NKAIN2: variants seen among roughly 807,000 people sequenced by gnomAD.
The protein encoded by NKAIN2 is sodium/potassium-transporting ATPase subunit beta-1-interacting protein 2.
In NKAIN2, 14 loss-of-function variants were observed where a neutral mutation model predicts 32.6. That is an observed-to-expected ratio of 0.43 (90% CI 0.28 to 0.67). NKAIN2 has a LOEUF of 0.67. Among genes scored for constraint, NKAIN2 ranks in the 30% least tolerant of loss-of-function variants. The pLI is 0.17. For missense variants in NKAIN2, 198 were observed against 258.3 expected, an observed-to-expected ratio of 0.77 and a Z score of 1.60; for synonymous variants, 80 against 87.2, an observed-to-expected ratio of 0.92 and a Z score of 0.46.
intron 1 of NKAIN2, among the ~76,000 whole-genome samples, chr6:123,841,187 A>G (rs967927039): frequency 2.0e-5 from 3 of 152,168 alleles, no homozygotes; most frequent in Non-Finnish European, 2.9e-5. Context: ...AAGCTTAAAC[A>G]TCTTCTTTTT....
chr6:123,876,528 G>C (rs1181721308), intron 1 of NKAIN2, among the ~76,000 whole-genome samples: 1 of 152,122 alleles, frequency 6.6e-6, no homozygotes, highest in Non-Finnish European at 1.5e-5. Flanking sequence ...ACAATTTGCT[G>C]TCTGCAAGCT....
intron 1 of NKAIN2, among the ~76,000 whole-genome samples, chr6:124,082,087 C>T (rs896020768): frequency 1.3e-5 from 2 of 151,830 alleles, no homozygotes; most frequent in African/African-American, 4.8e-5. Context: ...GGTAAATAAC[C>T]CAAGCCTAGA....
intron 3 of NKAIN2, among the ~76,000 whole-genome samples, chr6:124,417,768 C>T (rs972142266): frequency 3.9e-5 from 6 of 152,136 alleles, no homozygotes; most frequent in Non-Finnish European, 8.8e-5. Flanking sequence ...TTTCTTCAGC[C>T]TGGAGTTGTC....
intron 4 of NKAIN2, among the ~76,000 whole-genome samples, chr6:124,722,264 T>C (rs1030878469): frequency 4.6e-5 from 7 of 152,264 alleles, no homozygotes; most frequent in African/African-American, 1.4e-4. Flanking sequence ...TTGTGAATAA[T>C]GCTTCTATGA....
chr6:124,232,240 A>G (rs952043764), intron 1 of NKAIN2, among the ~76,000 whole-genome samples: 17 of 152,192 alleles, frequency 1.1e-4, no homozygotes, highest in African/African-American at 3.9e-4. Context: ...CACTGGGCAA[A>G]TAGTTAAAGG....
intron 1 of NKAIN2, among the ~76,000 whole-genome samples, chr6:123,887,796 A>G (rs1235397320): frequency 2.0e-5 from 3 of 152,140 alleles, no homozygotes; most frequent in Non-Finnish European, 2.9e-5. Context: ...CCTATTATCT[A>G]TCATTTCCTT....
At chr6:124,434,041 C>A (rs1016076486) in intron 3 of NKAIN2, among the ~76,000 whole-genome samples, 4 of 152,150 alleles carry the variant, frequency 2.6e-5, no homozygotes, top group African/African-American at 9.7e-5. Context: ...CCATCTGATG[C>A]AGTGGCAGTG....
At chr6:123,918,505 A>T (rs146602180) in intron 1 of NKAIN2, among the ~76,000 whole-genome samples, 29 of 152,212 alleles carry the variant, frequency 1.9e-4, no homozygotes, top group African/African-American at 6.3e-4. Context: ...CTTTTCATCA[A>T]TTGCAACCAG....
At chr6:124,524,018 T>A (rs1779219437) in intron 3 of NKAIN2, among the ~76,000 whole-genome samples, 1 of 152,190 alleles carries the variant, frequency 6.6e-6, no homozygotes, top group African/African-American at 2.4e-5. Flanking sequence ...GATTAGAATG[T>A]CCTGGAAATG....
chr6:124,763,188 A>T (rs534341069), intron 4 of NKAIN2, among the ~76,000 whole-genome samples: 1 of 152,230 alleles, frequency 6.6e-6, no homozygotes, highest in Non-Finnish European at 1.5e-5. Context: ...ACTTTTAGTT[A>T]GACAGAAGGA....
chr6:123,992,821 G>A (rs2114692767), intron 1 of NKAIN2, among the ~76,000 whole-genome samples: 1 of 152,252 alleles, frequency 6.6e-6, no homozygotes, highest in East Asian at 1.9e-4. Flanking sequence ...TACTTTCACT[G>A]TCCCTTGTTT....
intron 4 of NKAIN2, among the ~76,000 whole-genome samples, chr6:124,690,755 C>T (rs1774216415): frequency 6.6e-6 from 1 of 152,182 alleles, no homozygotes; most frequent in Admixed American, 6.5e-5. Flanking sequence ...GCTGTCTCAT[C>T]ACATCTCACC....
At chr6:123,851,152 A>G (rs1405912368) in intron 1 of NKAIN2, among the ~76,000 whole-genome samples, 1 of 151,982 alleles carries the variant, frequency 6.6e-6, no homozygotes, top group Non-Finnish European at 1.5e-5. Context: ...GCTGCAGTGA[A>G]CATGGAAGTG....
At chr6:124,239,551 G>C (rs1792961677) in intron 1 of NKAIN2, among the ~76,000 whole-genome samples, 2 of 152,106 alleles carry the variant, frequency 1.3e-5, no homozygotes, top group Admixed American at 1.3e-4. Context: ...CAGTCTCTCA[G>C]ACCACAGTGC....
At chr6:123,854,864 G>T (rs1032155324) in intron 1 of NKAIN2, among the ~76,000 whole-genome samples, 2 of 152,180 alleles carry the variant, frequency 1.3e-5, no homozygotes, top group African/African-American at 4.8e-5. Flanking sequence ...CACTGAGGTG[G>T]ATCTAAAGGA....
rs149633139 is a variant in NKAIN2, at chr6:124,343,074, A to G, written c.193-12193A>G. ...TCAATTCCCATCTATGAGTGAGAACATGCGGTCTTTGGTTTTTTGTCCTTG... is the reference window on the plus strand; with the variant it reads ...TCAATTCCCATCTATGAGTGAGAACGTGCGGTCTTTGGTTTTTTGTCCTTG... On this transcript the variant is annotated intron_variant, in intron 2 of 6. Coordinates refer to ENST00000368417, the MANE Select transcript of NKAIN2 (RefSeq NM_001040214.3). Among the ~76,000 whole-genome samples, 47 of 144,456 alleles carry G rather than the reference A, an allele frequency of 3.3e-4. 1 individual carries two copies. In the East Asian group the frequency reaches 9.1e-3, roughly 28 times the overall value. 94.8% of individuals were successfully genotyped at this position (144,456 alleles called of 152,430 possible).
chr6:123,913,460 C>T (rs903622647), intron 1 of NKAIN2, among the ~76,000 whole-genome samples: 1 of 152,124 alleles, frequency 6.6e-6, no homozygotes, highest in Non-Finnish European at 1.5e-5. Context: ...TTTGATATTA[C>T]TGCTGGTTGC....
intron 1 of NKAIN2, among the ~76,000 whole-genome samples, chr6:123,955,196 CAAAAAAA>C (rs5879708): frequency 1.9e-5 from 2 of 105,026 alleles, no homozygotes; most frequent in African/African-American, 3.2e-5. Context: ...ACAGAAAAAC[CAAAAAAA>C]AAAAAAAAAG....
intron 1 of NKAIN2, among the ~76,000 whole-genome samples, chr6:124,067,880 T>C (rs1215371539): frequency 6.6e-6 from 1 of 152,152 alleles, no homozygotes; most frequent in African/African-American, 2.4e-5. Context: ...CATGTGCATG[T>C]AAGTGTTAGA....
Sources: allele counts gnomAD v4.1 joint callset (sites outside exome capture counted in the v4.1 genomes callset), GRCh38; gene constraint gnomAD v4.1.1; transcripts MANE v1.5; gene names NCBI Gene and HGNC (gene_info 2026-07-23, HGNC 2026-07-21).